Variants in LRRTM4 observed in about 807,000 individuals in gnomAD.
LRRTM4 encodes the protein leucine rich repeat transmembrane neuronal 4.
LRRTM4 carries 25 observed loss-of-function variants against 47.6 expected under a neutral mutation model. The ratio of observed to expected loss-of-function variants is 0.53; its 90% CI spans 0.38 to 0.73. The LOEUF (loss-of-function observed/expected upper bound fraction) is 0.73. Ranked by LOEUF, LRRTM4 falls within the 30% of genes least tolerant of loss-of-function variation. The pLI is 0.00. For missense variants in LRRTM4, 638 were observed against 713.4 expected, an observed-to-expected ratio of 0.89 and a Z score of 1.20; for synonymous variants, 311 against 269.5, an observed-to-expected ratio of 1.15 and a Z score of -1.51.
chr2:77,340,317 A>G (rs1031853576), intron 3 of LRRTM4, among the ~76,000 whole-genome samples: 1 of 151,904 alleles, frequency 6.6e-6, no homozygotes, highest in Non-Finnish European at 1.5e-5. Flanking sequence ...GGGTAAAAAA[A>G]CAAAAACAAA....
At chr2:77,410,171 A>C (rs1674362610) in intron 3 of LRRTM4, among the ~76,000 whole-genome samples, 1 of 152,180 alleles carries the variant, frequency 6.6e-6, no homozygotes, top group Non-Finnish European at 1.5e-5. Context: ...ATAAAATATA[A>C]AGAAGAGAAA....
intron 3 of LRRTM4, among the ~76,000 whole-genome samples, chr2:76,952,799 G>A (rs1030497851): frequency 2.7e-5 from 4 of 150,908 alleles, no homozygotes; most frequent in Non-Finnish European, 4.4e-5. Flanking sequence ...CTCGATGTCC[G>A]CCAGTGTGGG....
chr2:76,770,840 G>A (rs1031652455), intron 3 of LRRTM4, among the ~76,000 whole-genome samples: 15 of 152,018 alleles, frequency 9.9e-5, no homozygotes, highest in African/African-American at 3.4e-4. Flanking sequence ...ATTGTTTCTC[G>A]ATCCCTTGGA....
intron 3 of LRRTM4, among the ~76,000 whole-genome samples, chr2:76,850,860 G>C (rs1454777173): frequency 4.6e-5 from 7 of 152,182 alleles, no homozygotes; most frequent in Non-Finnish European, 1.0e-4. Flanking sequence ...AGAAAAACTA[G>C]AGAAAGTTAG....
intron 3 of LRRTM4, among the ~76,000 whole-genome samples, chr2:76,909,167 C>T (rs1673958586): frequency 6.6e-6 from 1 of 152,152 alleles, no homozygotes; most frequent in Admixed American, 6.5e-5. Flanking sequence ...TGGAACAGAA[C>T]AGAGCCCTCA....
At chr2:77,394,558 G>A (rs914831626) in intron 3 of LRRTM4, among the ~76,000 whole-genome samples, 14 of 151,910 alleles carry the variant, frequency 9.2e-5, no homozygotes, top group African/African-American at 3.1e-4. Context: ...CCAGAAGCAG[G>A]CACTTCAAGC....
chr2:77,364,350 G>A (rs1163505448), intron 3 of LRRTM4, among the ~76,000 whole-genome samples: 2 of 152,020 alleles, frequency 1.3e-5, no homozygotes, highest in East Asian at 3.9e-4. Context: ...AAGCTACAAC[G>A]TTGATTCAAT....
intron 3 of LRRTM4, among the ~76,000 whole-genome samples, chr2:77,336,005 T>C (rs1314211347): frequency 6.6e-6 from 1 of 151,852 alleles, no homozygotes; most frequent in Non-Finnish European, 1.5e-5. Context: ...AAATAGGCAG[T>C]GGGCTGGATT....
At chr2:77,077,848 A>C (rs945140782) in intron 3 of LRRTM4, among the ~76,000 whole-genome samples, 3 of 152,208 alleles carry the variant, frequency 2.0e-5, no homozygotes, top group African/African-American at 7.2e-5. Flanking sequence ...TTTGATTAAT[A>C]AGCTATATAG....
At chr2:77,175,074 C>CTTT (rs34057321) in intron 3 of LRRTM4, among the ~76,000 whole-genome samples, 12 of 138,402 alleles carry the variant, frequency 8.7e-5, no homozygotes, top group African/African-American at 2.9e-4. Context: ...TTTCTTTTTT[C>CTTT]TTTTTTTTTT....
At chr2:77,237,874 G>A (rs1412984245) in intron 3 of LRRTM4, among the ~76,000 whole-genome samples, 1 of 152,124 alleles carries the variant, frequency 6.6e-6, no homozygotes, top group Non-Finnish European at 1.5e-5. Flanking sequence ...TGAAGGAAGA[G>A]CAAAATAAAA....
intron 3 of LRRTM4, among the ~76,000 whole-genome samples, chr2:76,891,261 C>G (rs745976778): frequency 6.6e-6 from 1 of 151,864 alleles, no homozygotes; most frequent in African/African-American, 2.4e-5. Context: ...GAGAGGTTCT[C>G]AAGGAAATTT....
intron 3 of LRRTM4, among the ~76,000 whole-genome samples, chr2:77,414,119 T>C (rs1024745815): frequency 2.0e-5 from 3 of 152,202 alleles, no homozygotes; most frequent in African/African-American, 7.2e-5. Context: ...GGTTTCCTTT[T>C]ATCCTTCTGT....
In LRRTM4 at chr2:77,362,883, G is replaced by T. The variant is rs138616600; in HGVS notation, c.1551+155435C>A. ...CATCTGTAAAGAACTCAAGCTGACC[G>T]AGTCAATATTAGCCCGTTTCTTAAT... is the stretch of plus-strand genomic sequence containing the variant. On this transcript the variant is annotated intron_variant, in intron 3 of 3. Transcript: ENST00000409884. Among the ~76,000 whole-genome samples the T allele has an allele frequency of 2.1e-3, 322 of 152,212 alleles. 3 individuals are homozygous for T. The highest frequency in any genetic ancestry group is 7.2e-3 in the African/African-American group (297 of 41,516).
At chr2:77,026,571 T>C (rs767400511) in intron 3 of LRRTM4, among the ~76,000 whole-genome samples, 1 of 152,092 alleles carries the variant, frequency 6.6e-6, no homozygotes, top group Non-Finnish European at 1.5e-5. Context: ...TTTCTAAAAT[T>C]TTGGTATCAG....
intron 3 of LRRTM4, among the ~76,000 whole-genome samples, chr2:76,951,682 G>T (rs925611158): frequency 6.6e-6 from 1 of 151,838 alleles, no homozygotes; most frequent in Non-Finnish European, 1.5e-5. Context: ...TGTTACATAG[G>T]TATACACGTG....
chr2:77,475,830 C>T (rs1410945236), intron 3 of LRRTM4, among the ~76,000 whole-genome samples: 1 of 151,602 alleles, frequency 6.6e-6, no homozygotes, highest in East Asian at 1.9e-4. Flanking sequence ...AATTTAGGCA[C>T]TTCTTTATAT....
At chr2:76,902,446 T>C (rs1673670526) in intron 3 of LRRTM4, among the ~76,000 whole-genome samples, 1 of 152,188 alleles carries the variant, frequency 6.6e-6, no homozygotes, top group Non-Finnish European at 1.5e-5. Flanking sequence ...AAAGTTTGTG[T>C]GTCAGGCCAC....
intron 3 of LRRTM4, among the ~76,000 whole-genome samples, chr2:76,834,019 ATTATTTATTTAT>A (rs10644834): frequency 1.2e-4 from 17 of 140,538 alleles, no homozygotes; most frequent in African/African-American, 2.4e-4. Flanking sequence ...TCATTTATTT[ATTATTTATTTAT>A]TTATTTATTT....
Sources: allele counts gnomAD v4.1 joint callset (sites outside exome capture counted in the v4.1 genomes callset), GRCh38; gene constraint gnomAD v4.1.1; transcripts MANE v1.5; gene names NCBI Gene and HGNC (gene_info 2026-07-23, HGNC 2026-07-21).